Variants in SLC14A2 observed in about 807,000 individuals in gnomAD.
SLC14A2 encodes urea transporter 2.
A neutral mutation model predicts 104.6 loss-of-function variants in SLC14A2; 91 were observed. The ratio of observed to expected loss-of-function variants is 0.87; its 90% CI spans 0.73 to 1.04. The LOEUF is 1.04. Among genes scored for constraint, SLC14A2 ranks in the 50% least tolerant of loss-of-function variants. SLC14A2 has a pLI of 0.00. For synonymous variants in SLC14A2, 476 were observed against 466.4 expected (o/e 1.02, Z -0.27); for missense variants, 1,189 against 1,156.0 (o/e 1.03, Z -0.41).
At chr18:45,223,364 T>A (rs1438740071) in intron 1 of SLC14A2, among the ~76,000 whole-genome samples, 1 of 152,066 alleles carries the variant, frequency 6.6e-6, no homozygotes, top group Non-Finnish European at 1.5e-5. Flanking sequence ...CAAAAGAGGA[T>A]CTTTTGATAG....
upstream of SLC14A2, among the ~76,000 whole-genome samples, chr18:45,210,619 C>T (rs367572486): frequency 2.5e-4 from 38 of 152,280 alleles, no homozygotes; most frequent in East Asian, 5.8e-3. Flanking sequence ...CTACTGTGTG[C>T]CAGGCACTGC....
At chr18:45,646,424 C>A (rs1216686576) in intron 10 of SLC14A2, 2 of 152,070 alleles carry the variant, frequency 1.3e-5, no homozygotes, top group Non-Finnish European at 2.9e-5. Flanking sequence ...AGGCAAGGCT[C>A]CCAAAGTATT....
chr18:45,621,764 GA>G (rs920864647), intron 1 of SLC14A2, among the ~76,000 whole-genome samples: 1 of 152,194 alleles, frequency 6.6e-6, no homozygotes, highest in African/African-American at 2.4e-5. Flanking sequence ...CTGCTATAAG[GA>G]AAAATACCTG....
intron 2 of SLC14A2, among the ~76,000 whole-genome samples, chr18:45,505,743 C>G (rs2043273783): frequency 6.6e-6 from 1 of 152,134 alleles, no homozygotes. Flanking sequence ...TTGGAAGCAT[C>G]TGTTGCCTTT....
intron 1 of SLC14A2, among the ~76,000 whole-genome samples, chr18:45,407,646 A>G (rs1237361012): frequency 6.6e-6 from 1 of 152,164 alleles, no homozygotes; most frequent in Non-Finnish European, 1.5e-5. Context: ...GTTTATTTAA[A>G]GTGAGAGGCA....
intron 1 of SLC14A2, among the ~76,000 whole-genome samples, chr18:45,327,905 A>G (rs1365656216): frequency 1.3e-5 from 2 of 152,198 alleles, no homozygotes; most frequent in Non-Finnish European, 2.9e-5. Flanking sequence ...TTCATAAACT[A>G]TAGAAAGATT....
chr18:45,487,711 G>A (rs2087635805), intron 2 of SLC14A2, among the ~76,000 whole-genome samples: 1 of 152,148 alleles, frequency 6.6e-6, no homozygotes, highest in African/African-American at 2.4e-5. Context: ...GCTGGACTTT[G>A]GGCTCATCAC....
chr18:45,259,470 T>C (rs1437945241), intron 1 of SLC14A2, among the ~76,000 whole-genome samples: 1 of 152,164 alleles, frequency 6.6e-6, no homozygotes, highest in Admixed American at 6.5e-5. Flanking sequence ...AGAATGATCA[T>C]AAAGATAGCT....
At chr18:45,360,190 C>T (rs925645967) in intron 1 of SLC14A2, among the ~76,000 whole-genome samples, 5 of 152,216 alleles carry the variant, frequency 3.3e-5, no homozygotes, top group African/African-American at 1.2e-4. Context: ...CTGATGGCTG[C>T]CCCAGCCCCA....
intron 1 of SLC14A2, among the ~76,000 whole-genome samples, chr18:45,293,368 G>A (rs1263155993): frequency 6.6e-6 from 1 of 152,140 alleles, no homozygotes; most frequent in Non-Finnish European, 1.5e-5. Flanking sequence ...AGTGGTGAAT[G>A]TAATGGACAC....
upstream of SLC14A2, among the ~76,000 whole-genome samples, chr18:45,613,505 T>A (rs2045007571): frequency 6.6e-6 from 1 of 152,196 alleles, no homozygotes; most frequent in South Asian, 2.1e-4. Flanking sequence ...AGTTTGGAAC[T>A]TCCTAAAGAC....
At chr18:45,336,268 T>G (rs2144271212) in intron 1 of SLC14A2, among the ~76,000 whole-genome samples, 1 of 152,260 alleles carries the variant, frequency 6.6e-6, no homozygotes, top group Admixed American at 6.5e-5. Context: ...AAAAGGGTAT[T>G]TGAACTGGGA....
At chr18:45,514,252 T>C (rs1013687016) in intron 2 of SLC14A2, among the ~76,000 whole-genome samples, 3 of 152,010 alleles carry the variant, frequency 2.0e-5, no homozygotes, top group African/African-American at 4.8e-5. Flanking sequence ...ACAATCATAG[T>C]GGAAAGTGAA....
chr18:45,404,212 T>C (rs1568185223), intron 1 of SLC14A2, among the ~76,000 whole-genome samples: 1 of 152,242 alleles, frequency 6.6e-6, no homozygotes, highest in Non-Finnish European at 1.5e-5. Flanking sequence ...CCTTTAGTTA[T>C]GGGATAACTC....
chr18:45,306,293 A>G (rs1186598307), intron 1 of SLC14A2, among the ~76,000 whole-genome samples: 2 of 152,210 alleles, frequency 1.3e-5, no homozygotes, highest in South Asian at 2.1e-4. Flanking sequence ...AGGGCCATAA[A>G]GGTACCTCAT....
chr18:45,246,339 T>A (rs1275238025), intron 1 of SLC14A2, among the ~76,000 whole-genome samples: 2 of 152,182 alleles, frequency 1.3e-5, no homozygotes, highest in Non-Finnish European at 2.9e-5. Context: ...AGCCACCCAA[T>A]CTGTGGTATT....
At chr18:45,635,294 C>T (rs1381648581) in intron 5 of SLC14A2, among the ~76,000 whole-genome samples, 6 of 152,146 alleles carry the variant, frequency 3.9e-5, no homozygotes, top group African/African-American at 1.4e-4. Context: ...AAGGCTATCA[C>T]CCAACAGAGA....
chr18:45,663,713 C>T lies in SLC14A2; in HGVS notation c.1352-72C>T, dbSNP rs1030428226. ...TTTCCAGCATCTGTGTGATTTTTCCCAGCTCTCTGCTTGGCTCTCTCAGGT... is the reference window on the plus strand; with the variant it reads ...TTTCCAGCATCTGTGTGATTTTTCCTAGCTCTCTGCTTGGCTCTCTCAGGT... On this transcript the variant is annotated intron_variant, in intron 10 of 19. Transcript: ENST00000255226. 20 of 1,538,956 alleles carry T rather than the reference C, an allele frequency of 1.3e-5. No homozygotes were observed. The African/African-American group carries it at 1.4e-4, about 11-fold the overall frequency.
chr18:45,642,441 G>A (rs1413805212), intron 8 of SLC14A2, among the ~76,000 whole-genome samples: 1 of 152,188 alleles, frequency 6.6e-6, no homozygotes, highest in Non-Finnish European at 1.5e-5. Context: ...ACAGGGGGAG[G>A]CTAGGGTTTA....
Sources: allele counts gnomAD v4.1 joint callset (sites outside exome capture counted in the v4.1 genomes callset), GRCh38; gene constraint gnomAD v4.1.1; transcripts MANE v1.5; gene names NCBI Gene and HGNC (gene_info 2026-07-23, HGNC 2026-07-21).